Variants in SMCO2 observed in about 807,000 individuals in gnomAD.
SMCO2 encodes single-pass membrane and coiled-coil domain-containing protein 2.
In SMCO2, 25 loss-of-function variants were observed where a neutral mutation model predicts 29.5. The observed-to-expected ratio is 0.85, with a 90% CI of 0.62 to 1.18. The LOEUF is 1.18. Among genes scored for constraint, SMCO2 ranks in the 50% most tolerant of loss-of-function variants. SMCO2 has a pLI of 0.00. For missense variants in SMCO2, 348 were observed against 344.5 expected (o/e 1.01, Z -0.08); for synonymous variants, 117 against 123.3 (o/e 0.95, Z 0.34).
the SMCO2 span, among the ~76,000 whole-genome samples, chr12:27,430,923 GATTT>G: frequency 5.0e-3 from 756 of 152,146 alleles, 4 homozygotes; most frequent in African/African-American, 0.017. Flanking sequence ...ATAAACCTTT[GATTT>G]ATTGTGTGCT....
At chr12:27,496,245 C>G (rs548425339) in intron 7 of SMCO2, among the ~76,000 whole-genome samples, 1 of 150,334 alleles carries the variant, frequency 6.7e-6, no homozygotes, top group South Asian at 2.1e-4. Context: ...CTCTTCCAAA[C>G]AACATTAAGT....
chr12:27,458,043 G>A, the SMCO2 span, among the ~76,000 whole-genome samples: 6 of 152,276 alleles, frequency 3.9e-5, no homozygotes, highest in Non-Finnish European at 5.9e-5. Context: ...ATTGTTAAAC[G>A]TCTGAGAAAA....
chr12:27,457,928 T>C, the SMCO2 span, among the ~76,000 whole-genome samples: 1 of 152,252 alleles, frequency 6.6e-6, no homozygotes, highest in Non-Finnish European at 1.5e-5. Flanking sequence ...TTCTATCTCA[T>C]TCTTTTTTGT....
the SMCO2 span, among the ~76,000 whole-genome samples, chr12:27,440,354 G>A: frequency 8.9e-4 from 135 of 151,504 alleles, no homozygotes; most frequent in African/African-American, 2.7e-3. Context: ...AAAAGCTAAC[G>A]GTAGTTCTTC....
At chr12:27,465,530 C>T (rs1282171845), upstream of SMCO2, among the ~76,000 whole-genome samples, 1 of 152,170 alleles carries the variant, frequency 6.6e-6, no homozygotes, top group Non-Finnish European at 1.5e-5. Context: ...AAAGGTGACA[C>T]ATCTGAACTT....
chr12:27,457,093 C>T, the SMCO2 span, among the ~76,000 whole-genome samples: 1 of 151,976 alleles, frequency 6.6e-6, no homozygotes, highest in Non-Finnish European at 1.5e-5. Context: ...TCCCTGGTGC[C>T]AAAACGGTTG....
rs1949577703 is a variant in SMCO2, at chr12:27,475,480, G to T, written c.362+567G>T. 2.3e-6 allele frequency: 3 copies of T among 1,330,850 alleles called. No homozygotes were observed. In the South Asian group the frequency reaches 5.6e-5, roughly 25 times the overall value. 82.4% of individuals were successfully genotyped at this position (1,330,850 alleles called of 1,614,324 possible). A position where few individuals can be genotyped will look rare whatever the true frequency, so the allele number is the denominator to read the frequency against. On this transcript the variant is annotated intron_variant, in intron 4 of 7. Transcript: ENST00000298876. ...CCTGGCCCATTTTGGTGACAAGGAA[G>T]ACTAAACAGATCAACTCGCTATTCA...
chr12:27,465,988 T>C (rs1301155203), upstream of SMCO2, among the ~76,000 whole-genome samples: 1 of 151,878 alleles, frequency 6.6e-6, no homozygotes. Flanking sequence ...CCAAGAATAA[T>C]GGGAGAGGGA....
At chr12:27,492,099 G>A (rs146670932) in intron 5 of SMCO2, among the ~76,000 whole-genome samples, 5 of 152,086 alleles carry the variant, frequency 3.3e-5, no homozygotes, top group South Asian at 2.1e-4. Context: ...CACAATGAAC[G>A]TTTTAGTATA....
chr12:27,477,950 G>A (rs1348511457), intron 4 of SMCO2, among the ~76,000 whole-genome samples: 2 of 151,892 alleles, frequency 1.3e-5, no homozygotes, highest in Non-Finnish European at 2.9e-5. Context: ...GCACTCCTTT[G>A]GAGATGTCAT....
chr12:27,424,839 A>T, the SMCO2 span: 1 of 152,220 alleles, frequency 6.6e-6, no homozygotes, highest in African/African-American at 2.4e-5. Flanking sequence ...TGCTTTCATT[A>T]GCAGATCTTT....
the SMCO2 span, among the ~76,000 whole-genome samples, chr12:27,451,552 TA>T: frequency 6.6e-6 from 1 of 152,242 alleles, no homozygotes; most frequent in Non-Finnish European, 1.5e-5. Flanking sequence ...CAACAAGGTT[TA>T]TCTAACACGT....
At chr12:27,483,554 G>A (rs1405297323) in intron 4 of SMCO2, among the ~76,000 whole-genome samples, 3 of 151,868 alleles carry the variant, frequency 2.0e-5, no homozygotes, top group Non-Finnish European at 2.9e-5. Flanking sequence ...GAGTAGCTGG[G>A]ACCACAGGTG....
chr12:27,490,378 G>C (rs1003492862), intron 5 of SMCO2, among the ~76,000 whole-genome samples: 5 of 152,182 alleles, frequency 3.3e-5, no homozygotes, highest in African/African-American at 4.8e-5. Context: ...GACAGGGATT[G>C]ACAAAGGGGT....
chr12:27,463,176 A>G (rs1949471758), upstream of SMCO2, among the ~76,000 whole-genome samples: 1 of 152,222 alleles, frequency 6.6e-6, no homozygotes. Context: ...GACTATGAGG[A>G]TGCCCTGTGT....
At chr12:27,484,705 T>A (rs1276902587) in intron 4 of SMCO2, among the ~76,000 whole-genome samples, 1 of 151,684 alleles carries the variant, frequency 6.6e-6, no homozygotes, top group Non-Finnish European at 1.5e-5. Context: ...ATACAAAAAT[T>A]AGCTGGGTGT....
chr12:27,447,475 C>A, the SMCO2 span, among the ~76,000 whole-genome samples: 3 of 152,034 alleles, frequency 2.0e-5, no homozygotes, highest in African/African-American at 4.8e-5. Flanking sequence ...AAGGCAGAAT[C>A]GGCCAGGTGC....
Position 27,472,876 on chromosome 12 carries a change from G to A in SMCO2, c.234+1G>A. ...CCCTCAAACTGACTTCCTTCACAAGGTAGACACTGAAAAATGGGTAAGAGA... is the reference window on the plus strand; with the variant it reads ...CCCTCAAACTGACTTCCTTCACAAGATAGACACTGAAAAATGGGTAAGAGA... On this transcript the variant is annotated splice_donor_variant, in intron 3 of 7. Coordinates refer to ENST00000298876, the Ensembl canonical transcript of SMCO2. LOFTEE classifies it high-confidence loss of function. 1 of 1,549,130 alleles carries A rather than the reference G, an allele frequency of 6.5e-7. No individual in the cohort carries two copies.
chr12:27,439,950 G>T, the SMCO2 span, among the ~76,000 whole-genome samples: 1 of 152,126 alleles, frequency 6.6e-6, no homozygotes, highest in Non-Finnish European at 1.5e-5. Context: ...ATGATAAAAA[G>T]CTTCCCTAAA....
Sources: allele counts gnomAD v4.1 joint callset (sites outside exome capture counted in the v4.1 genomes callset), GRCh38; gene constraint gnomAD v4.1.1; transcripts MANE v1.5; gene names NCBI Gene and HGNC (gene_info 2026-07-23, HGNC 2026-07-21).